Variants in GAS6 observed in about 807,000 individuals in gnomAD.
The protein encoded by GAS6 is growth arrest specific 6.
In GAS6, 41 loss-of-function variants were observed where a neutral mutation model predicts 75.8. The ratio of observed to expected loss-of-function variants is 0.54; its 90% CI spans 0.42 to 0.70. GAS6 has a LOEUF of 0.70. GAS6 is among the 30% of genes least tolerant of loss of function. GAS6 has a pLI of 0.00. For synonymous variants in GAS6, 432 were observed against 412.6 expected, an observed-to-expected ratio of 1.05 and a Z score of -0.57; for missense variants, 854 against 940.2, an observed-to-expected ratio of 0.91 and a Z score of 1.20.
intron 2 of GAS6, among the ~76,000 whole-genome samples, chr13:113,854,395 GGTAACGCCGAGACTCGCCCCGCATGGCA>G (rs2051897905): frequency 1.3e-5 from 2 of 152,254 alleles, no homozygotes; most frequent in African/African-American, 4.8e-5. Flanking sequence ...GCTGCACGGC[GGTAACGCCGAGACTCGCCCCGCATGGCA>G]GTGACGCCGA....
At chr13:113,860,523 C>T (rs1166759813) in intron 2 of GAS6, among the ~76,000 whole-genome samples, 1 of 152,040 alleles carries the variant, frequency 6.6e-6, no homozygotes, top group African/African-American at 2.4e-5. Flanking sequence ...TGATGGCCTT[C>T]GAGGATTTAG....
chr13:113,851,111 ATG>A (rs2138659331), intron 2 of GAS6, among the ~76,000 whole-genome samples: 1 of 151,314 alleles, frequency 6.6e-6, no homozygotes, highest in Non-Finnish European at 1.5e-5. Flanking sequence ...GAAAGAATGA[ATG>A]AGTGGGTGGA....
chr13:113,838,106 G>A lies in GAS6; in HGVS notation c.552C>T (p.Ser184=), dbSNP rs201561637. Residue 184 remains serine (S), a synonymous_variant, in exon 6 of 15, where the codon AGC becomes AGT. Coordinates refer to ENST00000327773, the MANE Select transcript of GAS6 (RefSeq NM_000820.4). ...KPGSFHCSCH[S]GFELSSDGRT... is the part of the protein sequence containing the mutation. The stretch of plus-strand genomic sequence containing the variant: ...TGCCATCAGAGGAGAGCTCGAAGCC[G>A]CTGTGGCAGGAACAGTGGAAGCTAC... 147 of 1,612,808 alleles carry A rather than the reference G, an allele frequency of 9.1e-5. No homozygotes were observed. The East Asian group carries it at 1.7e-3, about 19-fold the overall frequency.
intron 12 of GAS6, among the ~76,000 whole-genome samples, chr13:113,824,224 G>A (rs111364463): frequency 3.0e-5 from 2 of 66,278 alleles, no homozygotes; most frequent in Non-Finnish European, 2.5e-5. Context: ...TCGGGAGCAC[G>A]CGCGGTCTGG....
rs2051483570 is a variant in GAS6 at position 113,823,207 on chromosome 13, A to G, written c.1653+168T>C. 1.0e-5 allele frequency: 7 copies of G among 686,576 alleles called. No individual in the cohort carries two copies. In the South Asian group the frequency reaches 1.6e-4, roughly 15 times the overall value. 42.5% of individuals were successfully genotyped at this position (686,576 alleles called of 1,614,324 possible). A position where few individuals can be genotyped will look rare whatever the true frequency, so the allele number is the denominator to read the frequency against. ...GACCTGGTGTCCAAACAACCCCCGC[A>G]GCCCGAAGCGTGGCCCACGCCGGGC... On this transcript the variant is annotated intron_variant, in intron 13 of 14. Coordinates refer to ENST00000327773, the MANE Select transcript of GAS6 (RefSeq NM_000820.4).
Position 113,863,787 on chromosome 13 carries a change from C to A in GAS6, c.88+46G>T. ...GGACGCGTCAAGCCGCGCCCGGAGC[C>A]TCCTCCCGCCGCCCGGGGACGGGGT... On this transcript the variant is annotated intron_variant, in intron 1 of 14. Coordinates refer to ENST00000327773, the MANE Select transcript of GAS6 (RefSeq NM_000820.4). This position sits in a 1 kb window ranked among gnomAD's most constrained non-coding sequence, Gnocchi z 9.4. 2.8e-6 allele frequency: 4 copies of A among 1,407,236 alleles called. No individual in the cohort carries two copies. Among genetic ancestry groups the A allele is most frequent in the Non-Finnish European group, 3.7e-6 (4 of 1,092,476 alleles). The allele number at this position is 1,407,236 out of a possible 1,614,324, so 87.2% of individuals were successfully genotyped here. A position where few individuals can be genotyped will look rare whatever the true frequency, so the allele number is the denominator to read the frequency against.
intron 2 of GAS6, among the ~76,000 whole-genome samples, chr13:113,861,134 C>G (rs1453831365): frequency 2.0e-5 from 3 of 152,248 alleles, no homozygotes; most frequent in Admixed American, 1.3e-4. Context: ...GTGGGACACA[C>G]TTCGGGCAGG....
intron 2 of GAS6, among the ~76,000 whole-genome samples, chr13:113,859,354 G>C (rs573835154): frequency 2.0e-5 from 3 of 150,536 alleles, no homozygotes; most frequent in East Asian, 4.0e-4. Flanking sequence ...GTACATGTCT[G>C]TGTGACTGTA....
chr13:113,835,735 C>G, intron 6 of GAS6, 100 bp from the exon 7 acceptor site: 1 of 1,512,532 alleles, frequency 6.6e-7, no homozygotes, highest in Non-Finnish European at 8.8e-7. Flanking sequence ...ACCCAGAGGT[C>G]GCATCCAGAC....
At chr13:113,830,319 C>T (rs1047725736) in intron 10 of GAS6, among the ~76,000 whole-genome samples, 7 of 152,068 alleles carry the variant, frequency 4.6e-5, no homozygotes, top group Non-Finnish European at 7.4e-5. Context: ...TGGGGTGCTG[C>T]GGCCGCTGTG....
chr13:113,821,071 G>A (rs780022821), intron 14 of GAS6, 53 bp from the exon 15 acceptor site: 80 of 1,583,144 alleles, frequency 5.1e-5, no homozygotes, highest in African/African-American at 2.0e-4. Context: ...GGCCGGCCCC[G>A]CCTGGCCCCC....
chr13:113,823,519 T>C lies in GAS6; in HGVS notation c.1509A>G (p.Ser503=), dbSNP rs756553660. 16 of 1,612,466 alleles carry C rather than the reference T, an allele frequency of 9.9e-6. No individual in the cohort carries two copies. The highest frequency in any genetic ancestry group is 1.4e-5 in the Non-Finnish European group (16 of 1,179,860). The change falls in exon 13 of 15, where the codon TCA becomes TCG. Residue 503 remains serine (S), a synonymous_variant. Coordinates refer to ENST00000327773, the MANE Select transcript of GAS6 (RefSeq NM_000820.4). ...GAGCCACGACTTCTACTTCCCAGGT[T>C]GATTCAGTCCCGACGTCCAGAGGGG... ...MRTPLDVGTE[S]TWEVEVVAHI...
At chr13:113,824,485 T>C (rs917291979) in intron 12 of GAS6, among the ~76,000 whole-genome samples, 4 of 152,120 alleles carry the variant, frequency 2.6e-5, no homozygotes, top group African/African-American at 9.7e-5. Flanking sequence ...GCATATCCTC[T>C]CCACGCTGAG....
At chr13:113,857,082 A>G (rs61315527) in intron 2 of GAS6, among the ~76,000 whole-genome samples, 1 of 152,146 alleles carries the variant, frequency 6.6e-6, no homozygotes, top group East Asian at 1.9e-4. Context: ...GTCACAAAAC[A>G]GGGTCTAGCA....
intron 14 of GAS6, 38 bp downstream of exon 14, chr13:113,821,920 G>A (rs1250351391): frequency 6.8e-7 from 1 of 1,466,212 alleles, no homozygotes; most frequent in Non-Finnish European, 9.1e-7. Context: ...CCTCCCTGGA[G>A]CTCTTCACCC....
At chr13:113,825,877 C>T (rs565701721) in intron 12 of GAS6, among the ~76,000 whole-genome samples, 9 of 152,290 alleles carry the variant, frequency 5.9e-5, no homozygotes, top group East Asian at 3.9e-4. Context: ...CCCTTTGCTC[C>T]GCGTGGATCC....
intron 8 of GAS6, chr13:113,833,092 A>G: frequency 8.4e-7 from 1 of 1,189,942 alleles, no homozygotes; most frequent in Non-Finnish European, 1.1e-6. Flanking sequence ...CTATTATGAA[A>G]TAGATATGGA....
chr13:113,848,863 T>C lies in GAS6; in HGVS notation c.256-813A>G, dbSNP rs1487120756. Among the ~76,000 whole-genome samples the C allele has an allele frequency of 6.6e-6, 1 of 152,174 alleles. No individual in the cohort carries two copies. The highest frequency in any genetic ancestry group is 2.4e-5 in the African/African-American group (1 of 41,432). The stretch of plus-strand genomic sequence containing the variant: ...GTCTTTTTAATCCCATTATCAGGAA[T>C]GAGGAAACCCGGCTTCAGGATGGTT... On this transcript the variant is annotated intron_variant, in intron 2 of 14. Coordinates refer to ENST00000327773, the MANE Select transcript of GAS6 (RefSeq NM_000820.4). The surrounding 1 kb of genome is among the most constrained non-coding windows in gnomAD (Gnocchi z 4.8).
intron 7 of GAS6, among the ~76,000 whole-genome samples, chr13:113,835,003 T>C (rs561002124): frequency 3.7e-4 from 56 of 152,190 alleles, no homozygotes; most frequent in Admixed American, 1.2e-3. Flanking sequence ...CAGTGAGGTG[T>C]CCCCCGGAGC....
Sources: allele counts gnomAD v4.1 joint callset (sites outside exome capture counted in the v4.1 genomes callset), GRCh38; gene constraint gnomAD v4.1.1; non-coding constraint Gnocchi (gnomAD v3.1); transcripts MANE v1.5; gene names NCBI Gene and HGNC (gene_info 2026-07-23, HGNC 2026-07-21).